The following APP variants were observed in gnomAD, a reference collection of about 807,000 sequenced individuals.
APP encodes the protein amyloid beta precursor protein, also known as amyloid-beta precursor protein.
APP carries 31 observed loss-of-function variants against 101.4 expected under a neutral mutation model. That is an observed-to-expected ratio of 0.31 (90% CI 0.23 to 0.41). The LOEUF (loss-of-function observed/expected upper bound fraction) is 0.41. APP is among the 10% of genes least tolerant of loss of function. The pLI is 1.00. For missense variants in APP, 839 were observed against 1,003.7 expected (o/e 0.84, Z 2.22); for synonymous variants, 366 against 364.4 (o/e 1.00, Z -0.05).
chr21:26,081,161 G>C (rs965869857), intron 3 of APP, among the ~76,000 whole-genome samples: 1 of 152,058 alleles, frequency 6.6e-6, no homozygotes, highest in African/African-American at 2.4e-5. Flanking sequence ...TTATGCACCA[G>C]GCTCAGAATT....
At chr21:26,051,330 T>C (rs916648447) in intron 4 of APP, 137 bp from the exon 5 acceptor site, 6 of 956,404 alleles carry the variant, frequency 6.3e-6, no homozygotes, top group Non-Finnish European at 9.7e-6. Context: ...ATTTGCTTTT[T>C]GAGTGAATTT....
chr21:26,032,127 T>G (rs560940792), intron 5 of APP, among the ~76,000 whole-genome samples: 8 of 152,290 alleles, frequency 5.3e-5, no homozygotes, highest in African/African-American at 1.9e-4. Context: ...TCTGGAGAGG[T>G]AAGACTTTTA....
chr21:26,058,808 G>A (rs45529232), intron 3 of APP, among the ~76,000 whole-genome samples: 1,901 of 152,296 alleles, frequency 0.012, 42 homozygotes, highest in African/African-American at 0.043. Context: ...TAGGCCGGGC[G>A]CGGTGGCTCA....
At position 26,161,088 on chromosome 21, in the gene APP, T is replaced by C. The variant is rs144133087; in HGVS notation, c.57+9476A>G. Among the ~76,000 whole-genome samples the C allele has an allele frequency of 1.9e-3, 289 of 152,314 alleles. 4 individuals are homozygous for C. Among genetic ancestry groups the C allele is most frequent in the South Asian group, 0.011 (51 of 4,828 alleles). Reference sequence around the variant, plus strand: ...AACGTAATTCTTTATCACCACAACATAGAATTTCTAGAGAACTCATTTATT... The same window carrying C: ...AACGTAATTCTTTATCACCACAACACAGAATTTCTAGAGAACTCATTTATT... On this transcript the variant is annotated intron_variant, in intron 1 of 17. Transcript: ENST00000346798.
chr21:26,149,532 G>GA (rs2063219376), intron 1 of APP, among the ~76,000 whole-genome samples: 2 of 152,188 alleles, frequency 1.3e-5, no homozygotes, highest in Admixed American at 1.3e-4. Context: ...TGGCACGGTT[G>GA]ACCGCCAGGT....
At chr21:26,094,352 A>G (rs1478131721) in intron 2 of APP, among the ~76,000 whole-genome samples, 1 of 152,100 alleles carries the variant, frequency 6.6e-6, no homozygotes, top group Non-Finnish European at 1.5e-5. Flanking sequence ...GAAGCAGAGC[A>G]AGACCCTTTT....
At chr21:25,975,891 C>A (rs949934649) in intron 10 of APP, 63 bp downstream of exon 10, 3 of 1,329,248 alleles carry the variant, frequency 2.3e-6, no homozygotes, top group Admixed American at 1.7e-5. Flanking sequence ...GGTAAACCTG[C>A]AGACACTCAT....
chr21:25,935,515 G>C (rs1260453181), intron 13 of APP, among the ~76,000 whole-genome samples: 1 of 152,070 alleles, frequency 6.6e-6, no homozygotes, highest in Non-Finnish European at 1.5e-5. Context: ...GTATCCACCT[G>C]CTTTAACAGT....
chr21:26,109,973 A>G (rs528301935), intron 2 of APP, among the ~76,000 whole-genome samples: 9 of 152,368 alleles, frequency 5.9e-5, no homozygotes, highest in African/African-American at 2.2e-4. Flanking sequence ...ATAAGTATGC[A>G]CAGAGTTCTG....
chr21:26,164,949 T>C (rs568503465), intron 1 of APP, among the ~76,000 whole-genome samples: 1 of 152,256 alleles, frequency 6.6e-6, no homozygotes, highest in African/African-American at 2.4e-5. Context: ...ATGCTTATGC[T>C]TTTTGCACAT....
chr21:25,998,975 A>G (rs968728454), intron 7 of APP, among the ~76,000 whole-genome samples: 2 of 152,178 alleles, frequency 1.3e-5, no homozygotes, highest in African/African-American at 4.8e-5. Context: ...GAAAAGCTTA[A>G]TGTTCAAGAG....
At chr21:26,140,143 A>G (rs1260885430) in intron 1 of APP, 2 of 1,509,942 alleles carry the variant, frequency 1.3e-6, no homozygotes, top group Non-Finnish European at 8.9e-7. Flanking sequence ...ACTTCACAGT[A>G]CTCACTTACA....
intron 1 of APP, among the ~76,000 whole-genome samples, chr21:26,145,219 G>A (rs1601568121): frequency 6.6e-6 from 1 of 152,170 alleles, no homozygotes; most frequent in Non-Finnish European, 1.5e-5. Context: ...CCAAGAGGGA[G>A]CAGCCTCTAA....
rs565425532 is a variant in APP at position 26,019,101 on chromosome 21, C to T, written c.865+2739G>A. Among the ~76,000 whole-genome samples the T allele has an allele frequency of 1.1e-4, 17 of 152,340 alleles. No homozygotes were observed. The South Asian group carries it at 3.1e-3, about 28-fold the overall frequency. On this transcript the variant is annotated intron_variant, in intron 6 of 17. Transcript: ENST00000346798. Reference sequence around the variant, plus strand: ...CATAACTGATGTCACTCCTTGTTCACCTGTTACCTCAACAGTACTAGCATC... The same window carrying T: ...CATAACTGATGTCACTCCTTGTTCATCTGTTACCTCAACAGTACTAGCATC...
At chr21:26,125,702 A>C (rs928015621) in intron 1 of APP, among the ~76,000 whole-genome samples, 2 of 152,190 alleles carry the variant, frequency 1.3e-5, no homozygotes, top group African/African-American at 4.8e-5. Context: ...GAAGGAAAAC[A>C]ATCACTACCT....
intron 17 of APP, among the ~76,000 whole-genome samples, chr21:25,886,414 A>G (rs2037330369): frequency 6.7e-6 from 1 of 149,970 alleles, no homozygotes; most frequent in African/African-American, 2.5e-5. Flanking sequence ...TTTTTTTTTT[A>G]AGACAGTCTT....
At chr21:25,971,132 C>G (rs1294734084) in intron 11 of APP, among the ~76,000 whole-genome samples, 3 of 152,110 alleles carry the variant, frequency 2.0e-5, no homozygotes, top group Admixed American at 2.0e-4. Context: ...ACTGCAACCT[C>G]TGCCTCCCAG....
Position 26,153,285 on chromosome 21 carries a change from C to A in APP, c.57+17279G>T, listed in dbSNP as rs139646830. Among the ~76,000 whole-genome samples the A allele has an allele frequency of 3.5e-3, 531 of 152,252 alleles. 4 individuals carry two copies. The highest frequency in any genetic ancestry group is 0.012 in the African/African-American group (508 of 41,540). ...CAAGAAACCACTTGTACCCCAAAAG[C>A]TACTGAAATAAAAATTATTCTCTCA... On this transcript the variant is annotated intron_variant, in intron 1 of 17. Transcript: ENST00000346798.
chr21:26,147,199 A>C (rs1352719951), intron 1 of APP, among the ~76,000 whole-genome samples: 1 of 152,152 alleles, frequency 6.6e-6, no homozygotes, highest in East Asian at 1.9e-4. Context: ...CTACACTTAT[A>C]AACACCCCTC....
Sources: gnomAD v4.1 joint callset for allele counts (sites outside exome capture counted in the v4.1 genomes callset) on GRCh38, gnomAD v4.1.1 for gene constraint, MANE v1.5 for transcripts, NCBI Gene and HGNC (gene_info 2026-07-23, HGNC 2026-07-21) for gene names.